NLRP13: variants seen among roughly 807,000 people sequenced by gnomAD.
NLRP13 encodes the protein NACHT, LRR and PYD domains-containing protein 13.
A neutral mutation model predicts 94.4 loss-of-function variants in NLRP13; 82 were observed. That is an observed-to-expected ratio of 0.87 (90% CI 0.73 to 1.04). NLRP13 has a LOEUF of 1.04. Ranked by LOEUF, NLRP13 falls within the 50% of genes least tolerant of loss-of-function variation. The probability of loss-of-function intolerance (pLI) is 0.00; values close to 1 mark genes in which losing one functional copy is unlikely to be tolerated. For synonymous variants in NLRP13, 553 were observed against 464.7 expected, an observed-to-expected ratio of 1.19 and a Z score of -2.45; for missense variants, 1,426 against 1,230.8, an observed-to-expected ratio of 1.16 and a Z score of -2.37.
intron 1 of NLRP13, 122 bp downstream of exon 1, chr19:55,931,871 A>G: frequency 1.2e-6 from 1 of 800,640 alleles, no homozygotes; most frequent in Non-Finnish European, 2.0e-6. Context: ...GTCATAGATT[A>G]TCAAGGAGGA....
At chr19:55,922,884 T>C (rs1285813208) in intron 4 of NLRP13, among the ~76,000 whole-genome samples, 1 of 152,230 alleles carries the variant, frequency 6.6e-6, no homozygotes, top group East Asian at 1.9e-4. Context: ...TAATCACTTA[T>C]GACCATAGAA....
At chr19:55,901,926 A>C in intron 9 of NLRP13, 109 bp downstream of exon 9, 1 of 1,149,574 alleles carries the variant, frequency 8.7e-7, no homozygotes, top group Non-Finnish European at 1.2e-6. Context: ...TCCATGGCAA[A>C]GAGCTTGTCC....
chr19:55,891,804 C>G, downstream of NLRP13: 3 of 338,320 alleles, frequency 8.9e-6, no homozygotes, highest in Non-Finnish European at 1.6e-5. Context: ...GATCTTGGTA[C>G]CAGACACAGT....
At chr19:55,902,586 T>TC (rs1236094918) in intron 8 of NLRP13, among the ~76,000 whole-genome samples, 2 of 152,142 alleles carry the variant, frequency 1.3e-5, no homozygotes, top group African/African-American at 4.8e-5. Context: ...TTCATTGCCT[T>TC]CCATTCTGAA....
At position 55,916,796 on chromosome 19, in the gene NLRP13, T is replaced by C. The variant is rs149340488; in HGVS notation, c.524-3503A>G. Among the ~76,000 whole-genome samples, 338 of 152,224 alleles carry C rather than the reference T, an allele frequency of 2.2e-3. 2 individuals are homozygous for C. Among genetic ancestry groups the C allele is most frequent in the African/African-American group, 7.4e-3 (308 of 41,558 alleles). ...AGCAAAAAGTTTTAAAAACCTGTTG[T>C]GGAAATAATTGAGAAAAACTTCCCT... On this transcript the variant is annotated intron_variant, in intron 4 of 10. Coordinates refer to ENST00000342929, the MANE Select transcript of NLRP13 (RefSeq NM_176810.2).
chr19:55,897,937 C>T (rs1419793225), intron 10 of NLRP13, among the ~76,000 whole-genome samples: 1 of 152,128 alleles, frequency 6.6e-6, no homozygotes. Context: ...ATCATGTAAG[C>T]CACATTTAGC....
intron 9 of NLRP13, among the ~76,000 whole-genome samples, chr19:55,901,306 C>T (rs1339431197): frequency 2.0e-5 from 3 of 152,212 alleles, no homozygotes; most frequent in Admixed American, 2.0e-4. Flanking sequence ...TGACCCCGTG[C>T]CCTTTCCCCA....
chr19:55,907,646 C>T, intron 7 of NLRP13, 146 bp downstream of exon 7: 1 of 745,314 alleles, frequency 1.3e-6, no homozygotes, highest in Non-Finnish European at 2.3e-6. Flanking sequence ...AACCACGGCT[C>T]TACACATAGG....
At chr19:55,926,326 G>A (rs1986964813) in intron 1 of NLRP13, among the ~76,000 whole-genome samples, 2 of 152,198 alleles carry the variant, frequency 1.3e-5, no homozygotes, top group African/African-American at 4.8e-5. Flanking sequence ...GCTGCAAAGA[G>A]AAAACAAAGG....
intron 1 of NLRP13, 43 bp from the exon 2 acceptor site, chr19:55,925,078 G>A: frequency 6.4e-7 from 1 of 1,559,200 alleles, no homozygotes; most frequent in Non-Finnish European, 8.8e-7. Flanking sequence ...TACCCAGACT[G>A]AAAATGGACC....
At chr19:55,922,263 C>T (rs1442943223) in intron 4 of NLRP13, among the ~76,000 whole-genome samples, 1 of 152,062 alleles carries the variant, frequency 6.6e-6, no homozygotes, top group Non-Finnish European at 1.5e-5. Context: ...GGTGGAGACA[C>T]AGCCAAACCG....
chr19:55,913,341 G>A lies in NLRP13; in HGVS notation c.524-48C>T, dbSNP rs773717019. On this transcript the variant is annotated intron_variant, in intron 4 of 10. Transcript: ENST00000342929. ...AAGAATGGTAAGAATAAATTTCAGA[G>A]TTAGGAATGATTCAGTTACAAAGTT... 4 of 1,554,166 alleles carry A rather than the reference G, an allele frequency of 2.6e-6. No individual in the cohort carries two copies. The Admixed American group carries it at 7.4e-5, about 29-fold the overall frequency.
intron 9 of NLRP13, among the ~76,000 whole-genome samples, chr19:55,901,073 C>T (rs1300382563): frequency 1.3e-5 from 2 of 152,190 alleles, no homozygotes; most frequent in Non-Finnish European, 2.9e-5. Flanking sequence ...CCTGGTAGAC[C>T]ACACTTGGCA....
intron 6 of NLRP13, among the ~76,000 whole-genome samples, chr19:55,909,355 C>A (rs904670143): frequency 6.6e-6 from 1 of 152,160 alleles, no homozygotes; most frequent in Non-Finnish European, 1.5e-5. Flanking sequence ...GGACCCTCCC[C>A]CTGCTCACCT....
intron 1 of NLRP13, among the ~76,000 whole-genome samples, chr19:55,931,724 A>AGAC (rs1568449426): frequency 2.2e-4 from 30 of 137,066 alleles, no homozygotes; most frequent in African/African-American, 7.6e-4. Flanking sequence ...AAAAAAAAAA[A>AGAC]AGAAAGAAAG....
At chr19:55,905,354 C>T (rs942760587) in intron 7 of NLRP13, among the ~76,000 whole-genome samples, 1 of 151,180 alleles carries the variant, frequency 6.6e-6, no homozygotes. Context: ...GCAGCCTGGC[C>T]AACATGGAGA....
chr19:55,919,510 A>G (rs777955022), intron 4 of NLRP13, among the ~76,000 whole-genome samples: 22 of 152,084 alleles, frequency 1.4e-4, no homozygotes, highest in Non-Finnish European at 5.9e-5. Flanking sequence ...ATGAATTCAT[A>G]AAATCTTAGT....
At chr19:55,895,188 A>G (rs1205261086), downstream of NLRP13, among the ~76,000 whole-genome samples, 8 of 129,366 alleles carry the variant, frequency 6.2e-5, no homozygotes, top group East Asian at 1.8e-3. Flanking sequence ...CGTGTCTACT[A>G]AAAGTATGTT....
intron 1 of NLRP13, 43 bp downstream of exon 1, chr19:55,931,950 A>T: frequency 6.3e-7 from 1 of 1,582,046 alleles, no homozygotes; most frequent in South Asian, 1.1e-5. Context: ...TTGCCTCAGG[A>T]GTACCAAGCA....
Sources: allele counts gnomAD v4.1 joint callset (sites outside exome capture counted in the v4.1 genomes callset), GRCh38; gene constraint gnomAD v4.1.1; transcripts MANE v1.5; gene names NCBI Gene and HGNC (gene_info 2026-07-23, HGNC 2026-07-21).